Variants in STK39 observed in about 807,000 individuals in gnomAD.
STK39 encodes the protein serine/threonine kinase 39.
Under a neutral mutation model 77.8 loss-of-function variants are expected in STK39, and 20 were observed. The observed-to-expected ratio is 0.26, with a 90% CI of 0.18 to 0.37. The LOEUF (loss-of-function observed/expected upper bound fraction) is 0.37, where lower values mean the gene tolerates loss of function less well. Ranked by LOEUF, STK39 falls within the 10% of genes least tolerant of loss-of-function variation. STK39 has a pLI of 1.00. For missense variants in STK39, 479 were observed against 656.5 expected (o/e 0.73, Z 2.95); for synonymous variants, 246 against 234.1 (o/e 1.05, Z -0.47).
chr2:168,230,530 C>T (rs1690426756), intron 1 of STK39, among the ~76,000 whole-genome samples: 2 of 152,142 alleles, frequency 1.3e-5, no homozygotes, highest in Admixed American at 6.5e-5. Flanking sequence ...TGAAGAAATG[C>T]CCAGCCCAGC....
chr2:167,990,623 G>A (rs915035329), intron 16 of STK39, among the ~76,000 whole-genome samples: 1 of 152,168 alleles, frequency 6.6e-6, no homozygotes, highest in African/African-American at 2.4e-5. Flanking sequence ...TCTGAACAGT[G>A]CAAATGCAGA....
chr2:168,144,371 A>C (rs1688076677), intron 5 of STK39, among the ~76,000 whole-genome samples: 1 of 151,976 alleles, frequency 6.6e-6, no homozygotes, highest in African/African-American at 2.4e-5. Context: ...TGGCATGATC[A>C]TGGCTCACTG....
chr2:167,977,574 A>G (rs1198451445), intron 16 of STK39, among the ~76,000 whole-genome samples: 4 of 123,150 alleles, frequency 3.2e-5, no homozygotes, highest in Admixed American at 7.7e-5. Context: ...CTTGCTTCGG[A>G]AAAAAAAAAA....
intron 14 of STK39, among the ~76,000 whole-genome samples, chr2:168,028,171 A>G (rs1479645169): frequency 6.6e-6 from 1 of 152,182 alleles, no homozygotes; most frequent in Non-Finnish European, 1.5e-5. Context: ...AATAGTTTCA[A>G]AAATTATAAA....
At chr2:168,010,877 C>T (rs1362461344) in intron 16 of STK39, among the ~76,000 whole-genome samples, 1 of 152,166 alleles carries the variant, frequency 6.6e-6, no homozygotes, top group African/African-American at 2.4e-5. Context: ...GATTTACATT[C>T]CAAAGTTACT....
intron 16 of STK39, among the ~76,000 whole-genome samples, chr2:167,976,755 A>G (rs1683286376): frequency 6.6e-6 from 1 of 152,038 alleles, no homozygotes; most frequent in South Asian, 2.1e-4. Context: ...TTTCTACCCA[A>G]CCACATCCCT....
intron 14 of STK39, among the ~76,000 whole-genome samples, chr2:168,062,443 T>A (rs1401810937): frequency 4.6e-5 from 7 of 152,236 alleles, no homozygotes; most frequent in African/African-American, 1.7e-4. Context: ...GAAAACAGCC[T>A]TGTGATAATT....
chr2:167,964,436 G>A, intron 17 of STK39: 2 of 474,248 alleles, frequency 4.2e-6, no homozygotes, highest in Non-Finnish European at 7.4e-6. Flanking sequence ...TTAGTCAAAG[G>A]TGTGACGATA....
At chr2:168,154,299 T>C (rs1445270077) in intron 5 of STK39, among the ~76,000 whole-genome samples, 1 of 152,012 alleles carries the variant, frequency 6.6e-6, no homozygotes, top group African/African-American at 2.4e-5. Context: ...CTTGTTAGAG[T>C]TGCAAGGAAA....
chr2:168,066,429 C>G (rs1333082341), intron 12 of STK39, among the ~76,000 whole-genome samples: 1 of 152,166 alleles, frequency 6.6e-6, no homozygotes, highest in African/African-American at 2.4e-5. Context: ...GGGAAAATGA[C>G]TACGTTAGAA....
intron 5 of STK39, among the ~76,000 whole-genome samples, chr2:168,146,707 G>A (rs1014481599): frequency 1.7e-4 from 26 of 152,130 alleles, no homozygotes; most frequent in Admixed American, 5.2e-4. Context: ...TCCCTCTCTC[G>A]TTAGAGAAGA....
intron 1 of STK39, among the ~76,000 whole-genome samples, chr2:168,235,120 C>A (rs1230892597): frequency 6.6e-6 from 1 of 151,882 alleles, no homozygotes. Flanking sequence ...TCACTGCAAC[C>A]ACCGCTTCTC....
rs183249310 is a variant in STK39, at chr2:168,027,016, A to G, written c.1377-9921T>C. 5.2e-4 allele frequency among the ~76,000 whole-genome samples: 79 copies of G among 152,306 alleles called. 1 individual carries two copies. The highest frequency in any genetic ancestry group is 1.9e-3 in the African/African-American group (77 of 41,566). On this transcript the variant is annotated intron_variant, in intron 14 of 17. Transcript: ENST00000355999. ...TGCATTTATTACTTTGCACATTCCTATATGTTGAAATGTTTTTTATAATTT... is the reference window on the plus strand; with the variant it reads ...TGCATTTATTACTTTGCACATTCCTGTATGTTGAAATGTTTTTTATAATTT...
intron 17 of STK39, among the ~76,000 whole-genome samples, chr2:167,960,701 G>A (rs576313285): frequency 7.2e-5 from 11 of 152,120 alleles, no homozygotes; most frequent in Middle Eastern, 3.4e-3. Context: ...GTTACCTGGC[G>A]TCACTGAAAA....
chr2:167,995,324 G>C (rs1197725018), intron 16 of STK39, among the ~76,000 whole-genome samples: 1 of 152,062 alleles, frequency 6.6e-6, no homozygotes, highest in Admixed American at 6.5e-5. Flanking sequence ...GGGCTAGGAT[G>C]GTCTCGATCT....
intron 1 of STK39, among the ~76,000 whole-genome samples, chr2:168,237,600 T>C (rs987137307): frequency 6.6e-6 from 1 of 152,224 alleles, no homozygotes; most frequent in Non-Finnish European, 1.5e-5. Context: ...ATAGCTCTTA[T>C]TATTTTGAGA....
chr2:168,053,302 C>T (rs551862850), intron 14 of STK39, among the ~76,000 whole-genome samples: 1 of 152,260 alleles, frequency 6.6e-6, no homozygotes, highest in South Asian at 2.1e-4. Context: ...GTATCCAGGA[C>T]ATACTACCAA....
chr2:168,242,161 T>C (rs75042339), intron 1 of STK39, among the ~76,000 whole-genome samples: 4,523 of 152,178 alleles, frequency 0.03, 134 homozygotes, highest in African/African-American at 0.081. Context: ...GACAGCACAT[T>C]TAAAAGAGTA....
intron 2 of STK39, among the ~76,000 whole-genome samples, chr2:168,179,024 G>C (rs1047596920): frequency 6.6e-6 from 1 of 152,106 alleles, no homozygotes; most frequent in African/African-American, 2.4e-5. Flanking sequence ...CATCAAGGGA[G>C]AAACATGTCC....
Sources: gnomAD v4.1 joint callset for allele counts (sites outside exome capture counted in the v4.1 genomes callset) on GRCh38, gnomAD v4.1.1 for gene constraint, MANE v1.5 for transcripts, NCBI Gene and HGNC (gene_info 2026-07-23, HGNC 2026-07-21) for gene names.